The following EPHA5 variants were observed in gnomAD, a reference collection of about 807,000 sequenced individuals.
The protein encoded by EPHA5 is EPH receptor A5, also known as ephrin type-A receptor 5.
Under a neutral mutation model 105.0 loss-of-function variants are expected in EPHA5, and 60 were observed. The ratio of observed to expected loss-of-function variants is 0.57; its 90% CI spans 0.46 to 0.71. The LOEUF is 0.71. EPHA5 is among the 30% of genes least tolerant of loss of function. EPHA5 has a pLI of 0.00. For synonymous variants in EPHA5, 513 were observed against 449.1 expected, an observed-to-expected ratio of 1.14 and a Z score of -1.80; for missense variants, 1,218 against 1,274.7, an observed-to-expected ratio of 0.96 and a Z score of 0.68.
At chr4:65,458,028 T>C (rs918678976) in intron 5 of EPHA5, among the ~76,000 whole-genome samples, 9 of 125,202 alleles carry the variant, frequency 7.2e-5, no homozygotes, top group African/African-American at 2.8e-4. Context: ...GAGCCGAGAT[T>C]ACACCACTGC....
chr4:65,474,744 G>A (rs193234905), intron 5 of EPHA5, among the ~76,000 whole-genome samples: 6 of 152,110 alleles, frequency 3.9e-5, no homozygotes, highest in Non-Finnish European at 7.4e-5. Context: ...TCCAATGAAC[G>A]GTTAATTATT....
chr4:65,535,647 A>G (rs1736219574), intron 3 of EPHA5, among the ~76,000 whole-genome samples: 1 of 152,116 alleles, frequency 6.6e-6, no homozygotes, highest in Non-Finnish European at 1.5e-5. Context: ...ATATCAATAC[A>G]TGTAAAATGT....
At chr4:65,518,852 C>G (rs1012215887) in intron 3 of EPHA5, among the ~76,000 whole-genome samples, 1 of 152,126 alleles carries the variant, frequency 6.6e-6, no homozygotes, top group East Asian at 1.9e-4. Flanking sequence ...AAGTCTAGGA[C>G]CAGACAGATT....
At chr4:65,379,336 C>A (rs1280204960) in intron 8 of EPHA5, among the ~76,000 whole-genome samples, 1 of 151,374 alleles carries the variant, frequency 6.6e-6, no homozygotes, top group Admixed American at 6.6e-5. Context: ...AGAATCTAAA[C>A]CAAGTTACAT....
intron 16 of EPHA5, among the ~76,000 whole-genome samples, chr4:65,324,833 C>A (rs183009992): frequency 2.0e-5 from 3 of 147,350 alleles, no homozygotes; most frequent in Admixed American, 6.9e-5. Context: ...TTAGAGCATG[C>A]TGAATATTAC....
At chr4:65,549,079 T>C (rs1737649805) in intron 3 of EPHA5, among the ~76,000 whole-genome samples, 1 of 152,262 alleles carries the variant, frequency 6.6e-6, no homozygotes, top group East Asian at 1.9e-4. Flanking sequence ...TTTTGACATA[T>C]ACACTCAGTA....
Position 65,321,559 on chromosome 4 carries a change from A to T in EPHA5, c.*2555T>A, listed in dbSNP as rs1719642363. On this transcript the variant is annotated 3_prime_UTR_variant, in exon 17 of 17. Coordinates refer to ENST00000613740, the MANE Select transcript of EPHA5 (RefSeq NM_001281766.3). ...TAAAGTCATATTAACCTTCCTTAGA[A>T]ATTCTCAACCAAATTGAGATGCAAA... 4.4e-6 allele frequency: 1 copy of T among 229,170 alleles called. No homozygotes were observed. Among genetic ancestry groups the T allele is most frequent in the Non-Finnish European group, 8.7e-6 (1 of 115,460 alleles). 14.2% of individuals were successfully genotyped at this position (229,170 alleles called of 1,614,324 possible). A position where few individuals can be genotyped will look rare whatever the true frequency, so the allele number is the denominator to read the frequency against.
At chr4:65,508,132 T>A (rs112608453) in intron 3 of EPHA5, among the ~76,000 whole-genome samples, 1,648 of 152,240 alleles carry the variant, frequency 0.011, 16 homozygotes, top group Non-Finnish European at 0.016. Flanking sequence ...TTAACATGAA[T>A]GTTTATTGCC....
chr4:65,466,940 G>A (rs1728777749), intron 5 of EPHA5, among the ~76,000 whole-genome samples: 1 of 152,124 alleles, frequency 6.6e-6, no homozygotes, highest in South Asian at 2.1e-4. Context: ...CTGCACTTGA[G>A]CATATAGTTG....
chr4:65,354,564 T>G (rs1387073712), intron 11 of EPHA5, among the ~76,000 whole-genome samples: 1 of 151,750 alleles, frequency 6.6e-6, no homozygotes. Context: ...AATTAACTTT[T>G]TAATTTATGA....
chr4:65,606,166 CT>C (rs375118834), intron 2 of EPHA5, among the ~76,000 whole-genome samples: 5 of 151,870 alleles, frequency 3.3e-5, no homozygotes, highest in African/African-American at 7.3e-5. Context: ...ATCAATAAGT[CT>C]TTTTTTTCTT....
At chr4:65,576,459 T>C (rs1741065744) in intron 3 of EPHA5, among the ~76,000 whole-genome samples, 1 of 152,214 alleles carries the variant, frequency 6.6e-6, no homozygotes, top group Non-Finnish European at 1.5e-5. Flanking sequence ...GATAAAAGAA[T>C]GTTATGTTCT....
chr4:65,413,314 A>G (rs1444091639), intron 7 of EPHA5, among the ~76,000 whole-genome samples: 6 of 152,128 alleles, frequency 3.9e-5, no homozygotes, highest in Non-Finnish European at 8.8e-5. Flanking sequence ...ATTCAGTGAA[A>G]CAACATTTAG....
intron 5 of EPHA5, among the ~76,000 whole-genome samples, chr4:65,426,484 C>CT (rs1453675819): frequency 6.6e-6 from 1 of 151,708 alleles, no homozygotes; most frequent in Non-Finnish European, 1.5e-5. Flanking sequence ...ATGCTTATTT[C>CT]TTTACTTGTG....
At chr4:65,396,611 T>G (rs1315328380) in intron 8 of EPHA5, among the ~76,000 whole-genome samples, 1 of 152,146 alleles carries the variant, frequency 6.6e-6, no homozygotes, top group East Asian at 1.9e-4. Context: ...CTTTCATGTG[T>G]GTATACTGGA....
chr4:65,405,539 G>T (rs941209830), intron 7 of EPHA5, among the ~76,000 whole-genome samples: 3 of 152,092 alleles, frequency 2.0e-5, no homozygotes, highest in African/African-American at 7.2e-5. Flanking sequence ...CATTGTTCTT[G>T]ATTCTTTCTA....
chr4:65,353,651 C>T (rs993846718), intron 11 of EPHA5, among the ~76,000 whole-genome samples: 10 of 151,448 alleles, frequency 6.6e-5, no homozygotes, highest in Admixed American at 1.3e-4. Flanking sequence ...TAATATTCAG[C>T]GAAACACTTG....
chr4:65,486,374 A>C (rs1278594350), intron 5 of EPHA5, among the ~76,000 whole-genome samples: 2 of 151,466 alleles, frequency 1.3e-5, no homozygotes, highest in Non-Finnish European at 2.9e-5. Context: ...AGTGCGTGTT[A>C]CTGAATTTAT....
At chr4:65,602,929 C>T (rs1743880121) in intron 2 of EPHA5, among the ~76,000 whole-genome samples, 1 of 151,974 alleles carries the variant, frequency 6.6e-6, no homozygotes, top group African/African-American at 2.4e-5. Context: ...CACAAATTGG[C>T]TAGCTAAATA....
Sources: gnomAD v4.1 joint callset for allele counts (sites outside exome capture counted in the v4.1 genomes callset) on GRCh38, gnomAD v4.1.1 for gene constraint, MANE v1.5 for transcripts, NCBI Gene and HGNC (gene_info 2026-07-23, HGNC 2026-07-21) for gene names.